SUGP1: variants seen among roughly 807,000 people sequenced by gnomAD.
The protein encoded by SUGP1 is SURP and G-patch domain containing 1, also known as SURP and G-patch domain-containing protein 1.
SUGP1 carries 34 observed loss-of-function variants against 76.5 expected under a neutral mutation model. The observed-to-expected ratio is 0.44, with a 90% CI of 0.34 to 0.59. The LOEUF (loss-of-function observed/expected upper bound fraction) is 0.59, where lower values mean the gene tolerates loss of function less well. SUGP1 is among the 20% of genes least tolerant of loss of function. The pLI is 0.01. For missense variants in SUGP1, 752 were observed against 851.7 expected, an observed-to-expected ratio of 0.88 and a Z score of 1.46; for synonymous variants, 326 against 326.2, an observed-to-expected ratio of 1.00 and a Z score of 0.01.
chr19:19,319,353 C>T (rs574796483), intron 1 of SUGP1, among the ~76,000 whole-genome samples: 3 of 152,204 alleles, frequency 2.0e-5, no homozygotes, highest in East Asian at 3.9e-4. Context: ...CATTTACTGG[C>T]CCCCCTCTGT....
chr19:19,294,524 A>AAAAC (rs2061210193), intron 8 of SUGP1, among the ~76,000 whole-genome samples: 1 of 151,844 alleles, frequency 6.6e-6, no homozygotes. Flanking sequence ...AAAAAAAAAA[A>AAAAC]AAACCCAAAA....
At chr19:19,297,824 G>A (rs1222458163) in intron 7 of SUGP1, among the ~76,000 whole-genome samples, 5 of 152,188 alleles carry the variant, frequency 3.3e-5, no homozygotes, top group African/African-American at 4.8e-5. Context: ...TCTACCCCAC[G>A]TGGGGGCAGG....
At position 19,276,615 on chromosome 19, in the gene SUGP1, T is replaced by C. The variant is rs575778050; in HGVS notation, c.*33A>G. ...GAACATTCCACAGTCCAGGGACGGT[T>C]GGTCATTCAGAAAGTATGTATTTCC... On this transcript the variant is annotated 3_prime_UTR_variant, in exon 14 of 14. Coordinates refer to ENST00000247001, the MANE Select transcript of SUGP1 (RefSeq NM_172231.4). 6.2e-7 allele frequency: 1 copy of C among 1,613,870 alleles called. No homozygotes were observed. The highest frequency in any genetic ancestry group is 2.2e-5 in the East Asian group (1 of 44,874).
intron 8 of SUGP1, among the ~76,000 whole-genome samples, chr19:19,291,810 G>A (rs1055816787): frequency 6.0e-5 from 9 of 151,218 alleles, no homozygotes; most frequent in East Asian, 5.8e-4. Context: ...GAAGAATGGC[G>A]TGAACCTGGG....
chr19:19,276,857 G>C, intron 13 of SUGP1, 90 bp downstream of exon 13: 16 of 1,578,870 alleles, frequency 1.0e-5, no homozygotes, highest in Non-Finnish European at 1.4e-5. Context: ...GACCCAGCCT[G>C]GCTGGACTGA....
intron 2 of SUGP1, among the ~76,000 whole-genome samples, chr19:19,314,057 A>C (rs1468176327): frequency 6.6e-6 from 1 of 152,052 alleles, no homozygotes; most frequent in Non-Finnish European, 1.5e-5. Flanking sequence ...GAATCACTTG[A>C]GCCCAAGAGG....
chr19:19,320,378 G>T, intron 1 of SUGP1, 85 bp downstream of exon 1: 1 of 1,405,444 alleles, frequency 7.1e-7, no homozygotes. Flanking sequence ...TCCACGGGTC[G>T]CAGCAGGACG....
intron 3 of SUGP1, among the ~76,000 whole-genome samples, chr19:19,309,828 G>C (rs1012028961): frequency 6.6e-6 from 1 of 152,166 alleles, no homozygotes; most frequent in African/African-American, 2.4e-5. Flanking sequence ...AGGAGAATGG[G>C]GTGAACCCGG....
intron 8 of SUGP1, 139 bp downstream of exon 8, chr19:19,296,850 G>A (rs549938757): frequency 1.1e-5 from 8 of 737,482 alleles, no homozygotes; most frequent in Non-Finnish European, 1.7e-5. Flanking sequence ...AATGTGGTAT[G>A]TACACACAGT....
chr19:19,302,530 C>G (rs758875545), intron 6 of SUGP1, 142 bp from the exon 7 acceptor site: 4 of 1,221,276 alleles, frequency 3.3e-6, no homozygotes, highest in Non-Finnish European at 4.5e-6. Flanking sequence ...GATTACTACA[C>G]TGGGACCAGA....
intron 8 of SUGP1, among the ~76,000 whole-genome samples, chr19:19,294,013 C>G (rs2061205707): frequency 6.6e-6 from 1 of 151,732 alleles, no homozygotes; most frequent in East Asian, 1.9e-4. Context: ...AGTGGGACCT[C>G]ATATCGACAC....
intron 13 of SUGP1, 23 bp from the exon 14 acceptor site, chr19:19,276,697 C>G: frequency 6.2e-7 from 1 of 1,614,086 alleles, no homozygotes; most frequent in Non-Finnish European, 8.5e-7. Context: ...AAACAGATAA[C>G]AGGAGGAGGG....
chr19:19,305,829 C>T lies in SUGP1; in HGVS notation c.538+20G>A. The T allele has an allele frequency of 6.4e-7, 1 of 1,572,076 alleles. No individual in the cohort carries two copies. The highest frequency in any genetic ancestry group is 8.6e-7 in the Non-Finnish European group (1 of 1,158,152). On this transcript the variant is annotated intron_variant, in intron 4 of 13. Transcript: ENST00000247001. Reference sequence around the variant, plus strand: ...AGCACGGGCACTGGTGGTGGGGGAGCAGCAGCTCCCACAACTTACCTTTGA... The same window carrying T: ...AGCACGGGCACTGGTGGTGGGGGAGTAGCAGCTCCCACAACTTACCTTTGA...
intron 1 of SUGP1, among the ~76,000 whole-genome samples, chr19:19,320,144 C>T (rs894152001): frequency 1.3e-5 from 2 of 152,214 alleles, no homozygotes; most frequent in African/African-American, 4.8e-5. Flanking sequence ...GGTGCAGGGA[C>T]AGCCCAAGGT....
chr19:19,295,159 G>A (rs1320108681), intron 8 of SUGP1, among the ~76,000 whole-genome samples: 1 of 151,952 alleles, frequency 6.6e-6, no homozygotes, highest in Non-Finnish European at 1.5e-5. Context: ...GCTGGGCCTG[G>A]TGGCTCACTT....
In SUGP1 at chr19:19,303,415, G is replaced by C; in HGVS notation, c.696C>G (p.Leu232=). The C allele has an allele frequency of 6.2e-7, 1 of 1,614,194 alleles. No individual in the cohort carries two copies. Among genetic ancestry groups the C allele is most frequent in the Non-Finnish European group, 8.5e-7 (1 of 1,180,034 alleles). The change falls in exon 6 of 14, where the codon CTC becomes CTG. Residue 232 remains leucine, a synonymous_variant. Transcript: ENST00000247001. ...TCTCAGCCACCTTCTTCCTGTAGTA[G>C]AGGAATTCCCTGCTATTCTTATCGT... The part of the protein sequence containing the change: ...FLHDKNSREF[L]YYRKKVAEIR...
intron 4 of SUGP1, 45 bp downstream of exon 4, chr19:19,305,804 A>C: frequency 6.5e-7 from 1 of 1,537,626 alleles, no homozygotes; most frequent in Non-Finnish European, 8.8e-7. Context: ...CACCTGCTAG[A>C]GCACGGGCAC....
chr19:19,307,108 A>C (rs1175178566), intron 3 of SUGP1, among the ~76,000 whole-genome samples: 1 of 151,914 alleles, frequency 6.6e-6, no homozygotes, highest in African/African-American at 2.4e-5. Context: ...CAGTGGTGCA[A>C]TCATGGTTCA....
At chr19:19,287,082 C>T (rs2061146271) in intron 8 of SUGP1, among the ~76,000 whole-genome samples, 1 of 152,158 alleles carries the variant, frequency 6.6e-6, no homozygotes, top group East Asian at 1.9e-4. Flanking sequence ...AGAGACCAGC[C>T]TGAGCAACAT....
Sources: gnomAD v4.1 joint callset for allele counts (sites outside exome capture counted in the v4.1 genomes callset) on GRCh38, gnomAD v4.1.1 for gene constraint, MANE v1.5 for transcripts, NCBI Gene and HGNC (gene_info 2026-07-23, HGNC 2026-07-21) for gene names.